The following USP9Y variants were observed in gnomAD, a reference collection of about 807,000 sequenced individuals.
USP9Y encodes the protein ubiquitin carboxyl-terminal hydrolase 9Y.
USP9Y carries 41 observed loss-of-function variants against 53.1 expected under a neutral mutation model. That is an observed-to-expected ratio of 0.77 (90% CI 0.60 to 1.00). The LOEUF (loss-of-function observed/expected upper bound fraction) is 1.00. Among genes scored for constraint, USP9Y ranks in the 50% least tolerant of loss-of-function variants. USP9Y has a pLI of 0.00. For synonymous variants in USP9Y, 220 were observed against 173.7 expected (o/e 1.27, Z -2.09); for missense variants, 567 against 535.8 (o/e 1.06, Z -0.58).
At chrY:12,705,441 C>A in intron 1 of USP9Y, among the ~76,000 whole-genome samples, 1 of 31,898 alleles carries the variant, frequency 3.1e-5, no homozygotes, top group Non-Finnish European at 7.6e-5. Context: ...GGTTAGTGTT[C>A]AGCATATGTC....
At chrY:12,765,436 C>A in intron 15 of USP9Y, among the ~76,000 whole-genome samples, 1 of 32,900 alleles carries the variant, frequency 3.0e-5, no homozygotes. Context: ...CAACAGGGGT[C>A]CCAAACCCCT....
Position 12,793,174 on chromosome Y carries a change from T to C in USP9Y, c.3956T>C (p.Ile1319Thr). The change falls in exon 27 of 46, where the codon ATT becomes ACT. Residue 1319 changes from isoleucine (I) to threonine (T), a missense_variant. Physicochemically the swap from Ile to Thr is moderately conservative, Grantham distance 89. Coordinates refer to ENST00000338981, the MANE Select transcript of USP9Y (RefSeq NM_004654.4). ...SKEKAWQTFIIDLLLHCPSKT... is the reference protein window; with the variant it reads ...SKEKAWQTFITDLLLHCPSKT... ...GAAAAAGCCTGGCAGACCTTCATCATTGACTTATTATTGCACTGTCCAAGC... is the reference window on the plus strand; with the variant it reads ...GAAAAAGCCTGGCAGACCTTCATCACTGACTTATTATTGCACTGTCCAAGC... The C allele has an allele frequency of 2.5e-6, 1 of 398,459 alleles. No individual in the cohort carries two copies. Among genetic ancestry groups the C allele is most frequent in the Non-Finnish European group, 3.5e-6 (1 of 283,266 alleles).
intron 30 of USP9Y, among the ~76,000 whole-genome samples, chrY:12,812,257 G>T: frequency 6.0e-5 from 2 of 33,150 alleles, no homozygotes; most frequent in African/African-American, 1.2e-4. Context: ...CTTTTAAAAA[G>T]GATCTCTGAA....
intron 32 of USP9Y, 27 bp from the exon 33 acceptor site, chrY:12,818,393 T>C: frequency 2.7e-6 from 1 of 366,572 alleles, no homozygotes; most frequent in South Asian, 3.0e-5. Flanking sequence ...TTAGATTAGC[T>C]CATCAATAAT....
rs753849378 is a variant in USP9Y, at chrY:12,840,509, C to A, written c.5983C>A (p.Gln1995Lys). ...AGCCATTGAGAGAAGTGTACGGAAA[C>A]AAAATGTGAAATTTATGCATAACCG... ...SPAIERSVRK[Q>K]NVKFMHNRLQ... Residue 1995 changes from glutamine to lysine, a missense_variant, in exon 36 of 46, where the codon CAA becomes AAA. Physicochemically the swap from Gln to Lys is moderately conservative, Grantham distance 53. Transcript: ENST00000338981. 1 of 398,205 alleles carries A rather than the reference C, an allele frequency of 2.5e-6. No homozygotes were observed. Among genetic ancestry groups the A allele is most frequent in the Non-Finnish European group, 3.5e-6 (1 of 283,401 alleles).
chrY:12,796,209 G>A (rs2053512538), intron 27 of USP9Y, among the ~76,000 whole-genome samples: 2 of 32,993 alleles, frequency 6.1e-5, no homozygotes, highest in Non-Finnish European at 1.5e-4. Flanking sequence ...AGGACTCTTC[G>A]GTCTCATGTA....
At chrY:12,849,936 T>C (rs2053570459) in intron 42 of USP9Y, among the ~76,000 whole-genome samples, 1 of 31,384 alleles carries the variant, frequency 3.2e-5, no homozygotes, top group African/African-American at 1.3e-4. Flanking sequence ...CAGGCTTTGG[T>C]ATCAGGATGA....
chrY:12,720,881 C>T, intron 4 of USP9Y, 144 bp downstream of exon 4: 1 of 175,985 alleles, frequency 5.7e-6, no homozygotes. Context: ...ATAGCCTGAA[C>T]ATTTTAGTCC....
chrY:12,852,836 G>A (rs9785922), intron 42 of USP9Y, among the ~76,000 whole-genome samples: 5,164 of 33,149 alleles, frequency 0.16, no homozygotes, highest in African/African-American at 0.6. Context: ...CCTGGGTATC[G>A]CCAGTGGAAG....
intron 14 of USP9Y, among the ~76,000 whole-genome samples, chrY:12,760,043 T>G (rs917158084): frequency 1.2e-4 from 4 of 34,044 alleles, no homozygotes; most frequent in Admixed American, 2.6e-4. Flanking sequence ...GTACATACAC[T>G]TTCTTAAGAC....
chrY:12,859,666 A>G lies in USP9Y; in HGVS notation c.*250A>G. ...TGTAAATGAGAAAGGTATATATACT[A>G]TGTTAATGTCTGACTGTTAATTCTT... On this transcript the variant is annotated 3_prime_UTR_variant, in exon 46 of 46. Coordinates refer to ENST00000338981, the MANE Select transcript of USP9Y (RefSeq NM_004654.4). 1 of 81,399 alleles carries G rather than the reference A, an allele frequency of 1.2e-5. No homozygotes were observed. Among genetic ancestry groups the G allele is most frequent in the Non-Finnish European group, 2.6e-5 (1 of 38,417 alleles). The allele number at this position is 81,399 out of a possible 400,897, so 20.3% of individuals were successfully genotyped here. A position where few individuals can be genotyped will look rare whatever the true frequency, so the allele number is the denominator to read the frequency against.
At chrY:12,813,878 G>A (rs946356605) in intron 31 of USP9Y, among the ~76,000 whole-genome samples, 1 of 33,772 alleles carries the variant, frequency 3.0e-5, no homozygotes, top group East Asian at 8.0e-4. Context: ...ATGCGATGGC[G>A]CCATCTCAGC....
chrY:12,795,767 C>G, intron 27 of USP9Y, among the ~76,000 whole-genome samples: 1 of 33,411 alleles, frequency 3.0e-5, no homozygotes, highest in African/African-American at 1.2e-4. Context: ...TGGTTTCTCC[C>G]TTTTTTGAAC....
intron 37 of USP9Y, 32 bp downstream of exon 37, chrY:12,841,165 C>A: frequency 2.7e-6 from 1 of 376,090 alleles, no homozygotes; most frequent in East Asian, 9.6e-5. Context: ...TCTTATAGTA[C>A]TTATAGTTGT....
At chrY:12,781,173 G>A in intron 22 of USP9Y, among the ~76,000 whole-genome samples, 2 of 32,812 alleles carry the variant, frequency 6.1e-5, no homozygotes, top group African/African-American at 2.4e-4. Context: ...TTTGTATCCC[G>A]GTGCGCATAA....
chrY:12,770,200 A>G, intron 15 of USP9Y, among the ~76,000 whole-genome samples: 2 of 33,358 alleles, frequency 6.0e-5, no homozygotes, highest in African/African-American at 2.3e-4. Context: ...TCATGAGGTC[A>G]AGAGATCAAG....
At position 12,742,497 on chromosome Y, in the gene USP9Y, T is replaced by G. The variant is rs2053457502; in HGVS notation, c.1422+2868T>G. Among the ~76,000 whole-genome samples the G allele has an allele frequency of 9.1e-5, 3 of 33,074 alleles. No individual in the cohort carries two copies. The East Asian group carries it at 2.4e-3, about 26-fold the overall frequency. 88.7% of individuals were successfully genotyped at this position (33,074 alleles called of 37,273 possible). A position where few individuals can be genotyped will look rare whatever the true frequency, so the allele number is the denominator to read the frequency against. On this transcript the variant is annotated intron_variant, in intron 12 of 45. Transcript: ENST00000338981. ...ATTTTACAGAGTGCTGATTGTTGTG[T>G]TTACAATCCTTTAGCTAGACACAGA... is the stretch of plus-strand genomic sequence containing the variant.
intron 27 of USP9Y, among the ~76,000 whole-genome samples, chrY:12,797,658 C>T (rs754429344): frequency 4.5e-4 from 15 of 33,673 alleles, no homozygotes; most frequent in African/African-American, 1.7e-3. Flanking sequence ...GGAAGAAAAA[C>T]ACTTGGCTAT....
chrY:12,806,670 T>C, intron 27 of USP9Y, among the ~76,000 whole-genome samples: 1 of 33,737 alleles, frequency 3.0e-5, no homozygotes, highest in Non-Finnish European at 7.3e-5. Flanking sequence ...AGATTCAGAT[T>C]TCGTGTTTGA....
Sources: gnomAD v4.1 joint callset for allele counts (sites outside exome capture counted in the v4.1 genomes callset) on GRCh38, gnomAD v4.1.1 for gene constraint, MANE v1.5 for transcripts, NCBI Gene and HGNC (gene_info 2026-07-23, HGNC 2026-07-21) for gene names.